The following GDNF variants were observed in gnomAD, a reference collection of about 807,000 sequenced individuals.
GDNF encodes the protein glial cell line-derived neurotrophic factor.
In GDNF, 5 loss-of-function variants were observed where a neutral mutation model predicts 13.7. The ratio of observed to expected loss-of-function variants is 0.36; its 90% CI spans 0.19 to 0.77. The LOEUF (loss-of-function observed/expected upper bound fraction) is 0.77, where lower values mean the gene tolerates loss of function less well. Ranked by LOEUF, GDNF falls within the 30% of genes least tolerant of loss-of-function variation. The pLI, the probability that GDNF is intolerant of heterozygous loss-of-function variation, is 0.51. For missense variants in GDNF, 246 were observed against 274.3 expected, an observed-to-expected ratio of 0.90 and a Z score of 0.73; for synonymous variants, 122 against 112.5, an observed-to-expected ratio of 1.08 and a Z score of -0.53.
intron 2 of GDNF, among the ~76,000 whole-genome samples, chr5:37,821,518 T>G: frequency 6.6e-6 from 1 of 152,214 alleles, no homozygotes; most frequent in East Asian, 1.9e-4. Flanking sequence ...CATGTCCATC[T>G]AAAATATAAA....
At chr5:37,835,653 C>T (rs1292588777) in intron 1 of GDNF, 1 of 1,550,458 alleles carries the variant, frequency 6.4e-7, no homozygotes, top group African/African-American at 1.4e-5. Context: ...TAGGCAAAGA[C>T]TGCATTTGTC....
Position 37,815,588 on chromosome 5 carries a change from A to T in GDNF, c.*63T>A, listed in dbSNP as rs907626843. ...CATTCTGGGCAAACATTTCCTGGGA[A>T]CCTTGGTCCCTTTCTTTGCACTGTA... On this transcript the variant is annotated 3_prime_UTR_variant, in exon 3 of 3. Coordinates refer to ENST00000326524, the MANE Select transcript of GDNF (RefSeq NM_000514.4). This position sits in a 1 kb window ranked among gnomAD's most constrained non-coding sequence, Gnocchi z 5.0. 6.6e-7 allele frequency: 1 copy of T among 1,509,364 alleles called. No homozygotes were observed. The highest frequency in any genetic ancestry group is 1.1e-5 in the South Asian group (1 of 89,006). 93.5% of individuals were successfully genotyped at this position (1,509,364 alleles called of 1,614,324 possible). A position where few individuals can be genotyped will look rare whatever the true frequency, so the allele number is the denominator to read the frequency against.
chr5:37,817,779 T>A (rs1015693064), intron 2 of GDNF, among the ~76,000 whole-genome samples: 1 of 152,182 alleles, frequency 6.6e-6, no homozygotes, highest in African/African-American at 2.4e-5. Flanking sequence ...CCCTGTCACC[T>A]CTTGCCTGGA....
intron 2 of GDNF, among the ~76,000 whole-genome samples, chr5:37,828,068 C>T (rs561008962): frequency 1.3e-5 from 2 of 152,292 alleles, no homozygotes; most frequent in African/African-American, 4.8e-5. Context: ...CAGTTGTTTC[C>T]CAGTGGTGAC....
chr5:37,821,284 A>T (rs1341522293), intron 2 of GDNF, among the ~76,000 whole-genome samples: 1 of 152,194 alleles, frequency 6.6e-6, no homozygotes, highest in African/African-American at 2.4e-5. Context: ...GGAAAAGAAG[A>T]GGGGTCTGGG....
intron 2 of GDNF, among the ~76,000 whole-genome samples, chr5:37,829,134 C>T (rs1289401720): frequency 2.0e-5 from 3 of 152,194 alleles, no homozygotes; most frequent in Non-Finnish European, 4.4e-5. Flanking sequence ...TCTTCAATTT[C>T]CCACCACTTC....
intron 2 of GDNF, among the ~76,000 whole-genome samples, chr5:37,830,135 G>A (rs1561134003): frequency 6.6e-6 from 1 of 152,182 alleles, no homozygotes; most frequent in Non-Finnish European, 1.5e-5. Flanking sequence ...GCTCTATAGA[G>A]GTGGTCTCAC....
At chr5:37,830,932 T>C (rs1404857280) in intron 2 of GDNF, among the ~76,000 whole-genome samples, 4 of 152,208 alleles carry the variant, frequency 2.6e-5, no homozygotes, top group African/African-American at 9.7e-5. Flanking sequence ...GTGCCCTCCT[T>C]TTGCAGATTA....
chr5:37,828,599 T>C (rs1008935110), intron 2 of GDNF, among the ~76,000 whole-genome samples: 8 of 152,222 alleles, frequency 5.3e-5, no homozygotes, highest in Non-Finnish European at 2.9e-5. Context: ...AGTCAAGAAA[T>C]ATTGGCTTTC....
rs1349277838 is a variant in GDNF, at chr5:37,837,534, C to G, written c.-27+1973G>C. 2.6e-5 allele frequency among the ~76,000 whole-genome samples: 4 copies of G among 152,186 alleles called. No homozygotes were observed. Among genetic ancestry groups the G allele is most frequent in the Admixed American group, 2.6e-4 (4 of 15,286 alleles). ...AGTGCTCGCAGAAGCAGCCGCTCGCCGCGAGGCACTTCTGAGTTCCCGGCA... is the reference window on the plus strand; with the variant it reads ...AGTGCTCGCAGAAGCAGCCGCTCGCGGCGAGGCACTTCTGAGTTCCCGGCA... On this transcript the variant is annotated intron_variant, in intron 1 of 2. Transcript: ENST00000326524. This position sits in a 1 kb window ranked among gnomAD's most constrained non-coding sequence, Gnocchi z 6.5.
At chr5:37,820,156 A>C (rs1750081561) in intron 2 of GDNF, among the ~76,000 whole-genome samples, 1 of 152,250 alleles carries the variant, frequency 6.6e-6, no homozygotes, top group Non-Finnish European at 1.5e-5. Flanking sequence ...ATAGAAAGTT[A>C]AGTTCAATTA....
At chr5:37,836,631 C>T (rs2111730682) in intron 1 of GDNF, among the ~76,000 whole-genome samples, 1 of 152,314 alleles carries the variant, frequency 6.6e-6, no homozygotes, top group East Asian at 1.9e-4. Flanking sequence ...ACTTTGGCAG[C>T]TAGGACCTGG....
intron 2 of GDNF, among the ~76,000 whole-genome samples, chr5:37,828,666 G>T (rs562801610): frequency 1.3e-5 from 2 of 152,130 alleles, no homozygotes; most frequent in South Asian, 4.1e-4. Context: ...TTTGTGACCC[G>T]GAACAACTCT....
intron 2 of GDNF, among the ~76,000 whole-genome samples, chr5:37,828,319 G>A (rs1036442984): frequency 1.3e-5 from 2 of 152,128 alleles, no homozygotes; most frequent in African/African-American, 4.8e-5. Context: ...CAATATTATA[G>A]GAATACTTAG....
At position 37,834,753 on chromosome 5, in the gene GDNF, T is replaced by C. The variant is rs1033076311; in HGVS notation, c.44A>G (p.His15Arg). The C allele has an allele frequency of 6.2e-7, 1 of 1,612,478 alleles. No homozygotes were observed. Among genetic ancestry groups the C allele is most frequent in the Non-Finnish European group, 8.5e-7 (1 of 1,179,494 alleles). ...DVVAVCLVLLHTASAFPLPAG... is the reference protein window; with the variant it reads ...DVVAVCLVLLRTASAFPLPAG... ...GGGCAGCGGGAAGGCGGACGCGGTG[T>C]GGAGCAGCACCAGGCAGACAGCCAC... Residue 15 changes from histidine to arginine, a missense_variant, in exon 2 of 3, where the codon CAC becomes CGC. Transcript: ENST00000326524.
At chr5:37,831,993 C>T (rs1750536823) in intron 2 of GDNF, among the ~76,000 whole-genome samples, 1 of 152,168 alleles carries the variant, frequency 6.6e-6, no homozygotes, top group South Asian at 2.1e-4. Flanking sequence ...AGCCCGTTGG[C>T]CAATTATGAA....
rs1207129155 is a variant in GDNF at position 37,838,077 on chromosome 5, G to A, written c.-27+1430C>T. ...ATTGCTTTTCTTAACTATGCTTCGT[G>A]TCCTTGACTGACAGAGGACTTATTC... On this transcript the variant is annotated intron_variant, in intron 1 of 2. Transcript: ENST00000326524. This position sits in a 1 kb window ranked among gnomAD's most constrained non-coding sequence, Gnocchi z 4.1. Among the ~76,000 whole-genome samples the A allele has an allele frequency of 6.8e-6, 1 of 147,150 alleles. No homozygotes were observed. Among genetic ancestry groups the A allele is most frequent in the Non-Finnish European group, 1.5e-5 (1 of 67,466 alleles).
rs781777854 is a variant in GDNF, at chr5:37,834,629, G to A, written c.151+17C>T. The A allele has an allele frequency of 4.7e-6, 7 of 1,503,688 alleles. No homozygotes were observed. Among genetic ancestry groups the A allele is most frequent in the Middle Eastern group, 2.3e-4 (1 of 4,336 alleles). The allele number at this position is 1,503,688 out of a possible 1,614,324, so 93.1% of individuals were successfully genotyped here. Reference sequence around the variant, plus strand: ...GGTCCGCCGGCGGCCCCCCCGCGGGGAGGGAACGGTTCTTACAGTCACTGC... The same window carrying A: ...GGTCCGCCGGCGGCCCCCCCGCGGGAAGGGAACGGTTCTTACAGTCACTGC... On this transcript the variant is annotated intron_variant, in intron 2 of 2. Transcript: ENST00000326524.
chr5:37,835,212 G>T (rs1184398571), intron 1 of GDNF, among the ~76,000 whole-genome samples: 1 of 148,282 alleles, frequency 6.7e-6, no homozygotes, highest in Non-Finnish European at 1.5e-5. Context: ...CCCACCCTTC[G>T]TCCTCCACCC....
Sources: gnomAD v4.1 joint callset for allele counts (sites outside exome capture counted in the v4.1 genomes callset) on GRCh38, gnomAD v4.1.1 for gene constraint, Gnocchi (gnomAD v3.1) non-coding constraint, MANE v1.5 for transcripts, NCBI Gene and HGNC (gene_info 2026-07-23, HGNC 2026-07-21) for gene names.